The following PLXNC1 variants were observed in gnomAD, a reference collection of about 807,000 sequenced individuals.
The protein encoded by PLXNC1 is plexin C1.
In PLXNC1, 75 loss-of-function variants were observed where a neutral mutation model predicts 178.2. The ratio of observed to expected loss-of-function variants is 0.42; its 90% CI spans 0.35 to 0.51. The LOEUF is 0.51. Among genes scored for constraint, PLXNC1 ranks in the 20% least tolerant of loss-of-function variants. The pLI is 0.02. For missense variants in PLXNC1, 1,503 were observed against 1,984.4 expected, an observed-to-expected ratio of 0.76 and a Z score of 4.61; for synonymous variants, 790 against 779.9, an observed-to-expected ratio of 1.01 and a Z score of -0.22.
At chr12:94,290,591 A>C (rs1592962074) in intron 23 of PLXNC1, among the ~76,000 whole-genome samples, 1 of 151,998 alleles carries the variant, frequency 6.6e-6, no homozygotes, top group African/African-American at 2.4e-5. Flanking sequence ...GGCTGGCTGG[A>C]CAGCTGTGTT....
At chr12:94,296,944 G>T (rs1967982005) in intron 24 of PLXNC1, among the ~76,000 whole-genome samples, 2 of 152,118 alleles carry the variant, frequency 1.3e-5, no homozygotes, top group African/African-American at 4.8e-5. Context: ...TCTCCTACCA[G>T]CAAGAGATCA....
rs973797489 is a variant in PLXNC1 at position 94,209,625 on chromosome 12, A to T, written c.1475A>T (p.Asn492Ile). Reference protein sequence around the residue: ...TFQGDCVHSENLENWLDISSG... With the variant: ...TFQGDCVHSEILENWLDISSG... ...CAAGGAGATTGTGTACATTCAGAGA[A>T]CTTAGAAAACTGGCTGGATATTTCG... Residue 492 changes from asparagine (N) to isoleucine (I), a missense_variant, in exon 5 of 31, where the codon AAC (asparagine) becomes ATC (isoleucine). Around this residue, in one of 4 missense-constraint regions of PLXNC1, gnomAD observed 615 missense variants for 698.6 expected, o/e 0.88. Transcript: ENST00000258526. 6.2e-7 allele frequency: 1 copy of T among 1,613,496 alleles called. No individual in the cohort carries two copies. Among genetic ancestry groups the T allele is most frequent in the Non-Finnish European group, 8.5e-7 (1 of 1,179,550 alleles).
intron 12 of PLXNC1, among the ~76,000 whole-genome samples, chr12:94,246,861 C>G (rs1413360098): frequency 7.5e-6 from 1 of 132,852 alleles, no homozygotes; most frequent in East Asian, 2.1e-4. Context: ...TTGCCTCTTC[C>G]TATTGTCTTT....
chr12:94,186,419 C>T lies in PLXNC1; in HGVS notation c.1385C>T (p.Ser462Leu), dbSNP rs748183392. 5.0e-6 allele frequency: 8 copies of T among 1,613,688 alleles called. No individual in the cohort carries two copies. The Admixed American group carries it at 5.0e-5, about 10-fold the overall frequency. ...VANCNKHKSC[S>L]ECLTATDPHC... ...AACTGCAATAAACATAAATCCTGTT[C>T]GGAGTGTTTAACAGCCACAGACCCT... Residue 462 changes from serine (S) to leucine (L), a missense_variant, in exon 4 of 31, where the codon TCG becomes TTG. Coordinates refer to ENST00000258526, the MANE Select transcript of PLXNC1 (RefSeq NM_005761.3).
chr12:94,227,798 A>G (rs1226796885), intron 9 of PLXNC1, among the ~76,000 whole-genome samples: 1 of 152,238 alleles, frequency 6.6e-6, no homozygotes, highest in African/African-American at 2.4e-5. Flanking sequence ...AGTAAATTAC[A>G]TAAGCCCCCA....
chr12:94,239,440 G>A (rs992382612), intron 10 of PLXNC1, among the ~76,000 whole-genome samples: 4 of 152,180 alleles, frequency 2.6e-5, no homozygotes, highest in Non-Finnish European at 2.9e-5. Context: ...GAAAATGTGC[G>A]TCTGAGGTGG....
At position 94,307,167 on chromosome 12, in the gene PLXNC1, A is replaced by G. The variant is rs1181706733; in HGVS notation, c.*1882A>G. On this transcript the variant is annotated 3_prime_UTR_variant, in exon 31 of 31. Transcript: ENST00000258526. The stretch of plus-strand genomic sequence containing the variant: ...TCTGGCACATGAGTCCTGTGTGGAG[A>G]GTTACCTCCTCTTCCAGGGACTGTG... 1 of 152,156 alleles carries G rather than the reference A, an allele frequency of 6.6e-6. No homozygotes were observed. The highest frequency in any genetic ancestry group is 1.5e-5 in the Non-Finnish European group (1 of 68,032). The allele number at this position is 152,156 out of a possible 1,614,324, so 9.4% of individuals were successfully genotyped here. A position where few individuals can be genotyped will look rare whatever the true frequency, so the allele number is the denominator to read the frequency against.
At chr12:94,297,146 T>G in intron 24 of PLXNC1, 43 bp from the exon 25 acceptor site, 1 of 1,610,264 alleles carries the variant, frequency 6.2e-7, no homozygotes, top group East Asian at 2.2e-5. Flanking sequence ...ATGGTTGCTT[T>G]TTTTAATGGA....
chr12:94,215,594 C>A (rs200713595), intron 5 of PLXNC1, among the ~76,000 whole-genome samples: 2 of 97,596 alleles, frequency 2.0e-5, no homozygotes, highest in Admixed American at 1.1e-4. Context: ...AGATAGATAT[C>A]AAAAATAATT....
At chr12:94,195,037 CTG>C (rs1220219535) in intron 4 of PLXNC1, among the ~76,000 whole-genome samples, 4 of 151,936 alleles carry the variant, frequency 2.6e-5, no homozygotes, top group African/African-American at 9.7e-5. Context: ...AGTGAGAGGT[CTG>C]TGGAGAGACT....
At chr12:94,156,249 G>A (rs917225214) in intron 1 of PLXNC1, among the ~76,000 whole-genome samples, 5 of 152,166 alleles carry the variant, frequency 3.3e-5, no homozygotes, top group African/African-American at 1.2e-4. Flanking sequence ...GTGTTAGGAC[G>A]GGCTCCTTGA....
rs138481200 is a variant in PLXNC1, at chr12:94,151,127, G to A, written c.1062+1094G>A. On this transcript the variant is annotated intron_variant, in intron 1 of 30. Transcript: ENST00000258526. ...AAAAATCAAAGCGCAGAAATTAACG[G>A]CTACAGGTGTTGCCATTGTTTTGGT... is the stretch of plus-strand genomic sequence containing the variant. Among the ~76,000 whole-genome samples, 290 of 152,268 alleles carry A rather than the reference G, an allele frequency of 1.9e-3. 2 individuals carry two copies. The Middle Eastern group carries it at 0.024, about 13-fold the overall frequency.
intron 5 of PLXNC1, among the ~76,000 whole-genome samples, chr12:94,215,902 C>T (rs1963632643): frequency 6.6e-6 from 1 of 152,056 alleles, no homozygotes; most frequent in African/African-American, 2.4e-5. Flanking sequence ...TTTATTTTAC[C>T]TCTGAAGCAA....
At chr12:94,197,653 G>C (rs1487159525) in intron 4 of PLXNC1, among the ~76,000 whole-genome samples, 1 of 152,140 alleles carries the variant, frequency 6.6e-6, no homozygotes, top group East Asian at 1.9e-4. Context: ...GAGACACCAT[G>C]TAAGGTGACA....
intron 23 of PLXNC1, among the ~76,000 whole-genome samples, chr12:94,291,089 C>T (rs1001177717): frequency 1.3e-5 from 2 of 152,216 alleles, no homozygotes; most frequent in South Asian, 2.1e-4. Context: ...GGGAGGGGCA[C>T]TGTAGGGCCA....
At chr12:94,247,872 G>C in intron 12 of PLXNC1, 31 bp from the exon 13 acceptor site, 1 of 1,601,474 alleles carries the variant, frequency 6.2e-7, no homozygotes, top group Non-Finnish European at 8.5e-7. Flanking sequence ...CGTTAACAAA[G>C]TTACTAAAAC....
At chr12:94,181,401 G>T in intron 2 of PLXNC1, 45 bp from the exon 3 acceptor site, 39 of 1,163,238 alleles carry the variant, frequency 3.4e-5, no homozygotes, top group Non-Finnish European at 4.4e-5. Flanking sequence ...AAAAAAAAAA[G>T]TATTAAATAG....
At chr12:94,168,332 C>A (rs2135939082) in intron 1 of PLXNC1, 1 of 152,350 alleles carries the variant, frequency 6.6e-6, no homozygotes, top group East Asian at 1.9e-4. Context: ...AGGCAGGATG[C>A]AGCACGAAGC....
intron 14 of PLXNC1, among the ~76,000 whole-genome samples, chr12:94,248,613 G>A (rs75897819): frequency 6.6e-5 from 10 of 152,312 alleles, no homozygotes; most frequent in Admixed American, 2.0e-4. Context: ...CTGTTCGAAC[G>A]TCAAAGCGTT....
Sources: allele counts gnomAD v4.1 joint callset (sites outside exome capture counted in the v4.1 genomes callset), GRCh38; gene constraint gnomAD v4.1.1; regional missense constraint gnomAD v4.1.1; transcripts MANE v1.5; gene names NCBI Gene and HGNC (gene_info 2026-07-23, HGNC 2026-07-21).